Variants in FOXP2 observed in about 807,000 individuals in gnomAD.
FOXP2 encodes the protein forkhead box protein P2.
FOXP2 carries 12 observed loss-of-function variants against 115.8 expected under a neutral mutation model. That is an observed-to-expected ratio of 0.10 (90% CI 0.07 to 0.17). The LOEUF (loss-of-function observed/expected upper bound fraction) is 0.17, where lower values mean the gene tolerates loss of function less well. FOXP2 is among the 10% of genes least tolerant of loss of function. The probability of loss-of-function intolerance (pLI) is 1.00; values close to 1 mark genes in which losing one functional copy is unlikely to be tolerated. For missense variants in FOXP2, 629 were observed against 843.5 expected, an observed-to-expected ratio of 0.75 and a Z score of 3.15; for synonymous variants, 328 against 297.7, an observed-to-expected ratio of 1.10 and a Z score of -1.05.
chr7:114,151,017 A>G (rs1792514340), intron 1 of FOXP2, among the ~76,000 whole-genome samples: 1 of 152,170 alleles, frequency 6.6e-6, no homozygotes, highest in Middle Eastern at 3.4e-3. Flanking sequence ...AAAGCTTTGA[A>G]GGGGTCATAA....
chr7:114,379,739 A>G (rs563156576), intron 2 of FOXP2, among the ~76,000 whole-genome samples: 49 of 152,260 alleles, frequency 3.2e-4, no homozygotes, highest in African/African-American at 1.1e-3. Context: ...GTAGGGGATT[A>G]TTTCTTTGGC....
In FOXP2 at chr7:114,629,917, A is replaced by C; in HGVS notation, c.509A>C (p.Gln170Pro). 6.3e-7 allele frequency: 1 copy of C among 1,598,740 alleles called. No homozygotes were observed. The highest frequency in any genetic ancestry group is 8.5e-7 in the Non-Finnish European group (1 of 1,172,084). The change falls in exon 5 of 17, where the codon CAA becomes CCA. Residue 170 changes from glutamine to proline, a missense_variant. Gln to Pro is a moderately conservative substitution (Grantham distance 76). Around this residue, in one of 9 missense-constraint regions of FOXP2, gnomAD observed 138 missense variants for 205.1 expected, o/e 0.67. Transcript: ENST00000350908. The stretch of plus-strand genomic sequence containing the variant: ...CAACAGCAGCAACAACAGCAGCAGC[A>C]ACAACAACAACAACAGCAGCAACAA... ...QQQQQQQQQQ[Q>P]QQQQQQQQQQ...
intron 1 of FOXP2, among the ~76,000 whole-genome samples, chr7:114,279,203 A>G (rs991787721): frequency 2.0e-5 from 3 of 152,172 alleles, no homozygotes; most frequent in African/African-American, 7.2e-5. Flanking sequence ...AAACGTTTTT[A>G]TAACAAAACA....
At chr7:114,393,799 A>C (rs1792668445) in intron 2 of FOXP2, among the ~76,000 whole-genome samples, 1 of 152,206 alleles carries the variant, frequency 6.6e-6, no homozygotes. Flanking sequence ...TACACATATT[A>C]AGGATAATGG....
chr7:114,491,559 T>C (rs1005088908), intron 2 of FOXP2, among the ~76,000 whole-genome samples: 4 of 152,098 alleles, frequency 2.6e-5, no homozygotes, highest in Admixed American at 2.6e-4. Flanking sequence ...GCTTTTGGTG[T>C]TTTAGACATG....
At chr7:114,531,452 G>T (rs184169573) in intron 2 of FOXP2, among the ~76,000 whole-genome samples, 1 of 151,906 alleles carries the variant, frequency 6.6e-6, no homozygotes, top group South Asian at 2.1e-4. Flanking sequence ...AGAGACCTGA[G>T]CAATTGTTTA....
At chr7:114,239,959 C>T (rs1795110256) in intron 1 of FOXP2, among the ~76,000 whole-genome samples, 1 of 152,052 alleles carries the variant, frequency 6.6e-6, no homozygotes, top group South Asian at 2.1e-4. Context: ...ATACTTTATG[C>T]CTGTTTTATC....
chr7:114,628,250 GTTTATT>G (rs574408795), intron 3 of FOXP2, among the ~76,000 whole-genome samples: 130 of 152,190 alleles, frequency 8.5e-4, no homozygotes, highest in Admixed American at 3.9e-3. Context: ...CCATGTGGTT[GTTTATT>G]TTTAACTATA....
At chr7:114,570,926 G>A (rs1341803458) in intron 3 of FOXP2, 3 of 1,518,922 alleles carry the variant, frequency 2.0e-6, no homozygotes, top group Admixed American at 1.7e-5. Flanking sequence ...TAGGCACAAG[G>A]CCATGGACCC....
At chr7:114,267,470 T>C (rs1377244675) in intron 1 of FOXP2, among the ~76,000 whole-genome samples, 1 of 152,088 alleles carries the variant, frequency 6.6e-6, no homozygotes, top group Non-Finnish European at 1.5e-5. Context: ...GGCTCATGCC[T>C]GTAATCCCAG....
chr7:114,554,918 G>A (rs543242131), intron 3 of FOXP2, among the ~76,000 whole-genome samples: 160 of 152,108 alleles, frequency 1.1e-3, no homozygotes, highest in Non-Finnish European at 2.0e-3. Context: ...ATTCAGACAC[G>A]TGTATCTAAA....
intron 2 of FOXP2, among the ~76,000 whole-genome samples, chr7:114,467,775 T>TA: frequency 6.6e-6 from 1 of 152,296 alleles, no homozygotes; most frequent in South Asian, 2.1e-4. Flanking sequence ...TTATTAATAT[T>TA]GTCATTTTTG....
At chr7:114,561,338 G>C (rs1800749178) in intron 3 of FOXP2, 1 of 151,920 alleles carries the variant, frequency 6.6e-6, no homozygotes, top group African/African-American at 2.4e-5. Context: ...TCAACACCAA[G>C]GAAACTCAAG....
chr7:114,692,848 T>G lies in FOXP2; in HGVS notation c.*2922T>G, dbSNP rs544333798. 91 of 451,158 alleles carry G rather than the reference T, an allele frequency of 2.0e-4. 3 individuals are homozygous for G. The highest frequency in any genetic ancestry group is 1.9e-3 in the Admixed American group (79 of 42,154). 27.9% of individuals were successfully genotyped at this position (451,158 alleles called of 1,614,324 possible). A position where few individuals can be genotyped will look rare whatever the true frequency, so the allele number is the denominator to read the frequency against. On this transcript the variant is annotated 3_prime_UTR_variant, in exon 17 of 17. Transcript: ENST00000350908. ...TTTATTTATCTTTTTTGAGGTAAAC[T>G]AATTTTTGATACTTTTCATTACTGT...
intron 1 of FOXP2, among the ~76,000 whole-genome samples, chr7:114,155,901 G>C (rs1434779031): frequency 6.6e-6 from 1 of 152,094 alleles, no homozygotes; most frequent in Non-Finnish European, 1.5e-5. Context: ...GCATGTTTCT[G>C]GGGGGTTGCA....
chr7:114,329,515 A>T (rs1349320830), intron 2 of FOXP2, among the ~76,000 whole-genome samples: 15 of 133,358 alleles, frequency 1.1e-4, no homozygotes, highest in Admixed American at 1.1e-3. Flanking sequence ...GTGAAACTCC[A>T]TCTCGGAAAA....
At chr7:114,396,994 C>T (rs937803877) in intron 2 of FOXP2, among the ~76,000 whole-genome samples, 4 of 151,882 alleles carry the variant, frequency 2.6e-5, no homozygotes, top group African/African-American at 9.7e-5. Context: ...AAAAACATAT[C>T]ATTATATAAT....
At chr7:114,491,908 G>A (rs1339488828) in intron 2 of FOXP2, among the ~76,000 whole-genome samples, 2 of 152,144 alleles carry the variant, frequency 1.3e-5, no homozygotes, top group Non-Finnish European at 2.9e-5. Flanking sequence ...TTTGGTATCA[G>A]GATGATGCTG....
At chr7:114,657,699 A>G (rs551909044) in intron 10 of FOXP2, among the ~76,000 whole-genome samples, 1 of 152,326 alleles carries the variant, frequency 6.6e-6, no homozygotes, top group East Asian at 1.9e-4. Context: ...AAAACATTGC[A>G]TCCTTCATTA....
Sources: allele counts gnomAD v4.1 joint callset (sites outside exome capture counted in the v4.1 genomes callset), GRCh38; gene constraint gnomAD v4.1.1; regional missense constraint gnomAD v4.1.1; transcripts MANE v1.5; gene names NCBI Gene and HGNC (gene_info 2026-07-23, HGNC 2026-07-21).